The following FBN1 variants were observed in gnomAD, a reference collection of about 807,000 sequenced individuals.
The protein encoded by FBN1 is fibrillin 1.
In FBN1, 29 loss-of-function variants were observed where a neutral mutation model predicts 365.1. The observed-to-expected ratio is 0.08, with a 90% CI of 0.06 to 0.11. The LOEUF (loss-of-function observed/expected upper bound fraction) is 0.11. Ranked by LOEUF, FBN1 falls within the 10% of genes least tolerant of loss-of-function variation. FBN1 has a pLI of 1.00. For synonymous variants in FBN1, 1,210 were observed against 1,270.5 expected, an observed-to-expected ratio of 0.95 and a Z score of 1.01; for missense variants, 2,476 against 3,703.2, an observed-to-expected ratio of 0.67 and a Z score of 8.60.
At chr15:48,620,016 C>T (rs1263086771) in intron 2 of FBN1, among the ~76,000 whole-genome samples, 1 of 152,232 alleles carries the variant, frequency 6.6e-6, no homozygotes, top group African/African-American at 2.4e-5. Context: ...CGCTGAAGGG[C>T]TCATGAGAGG....
chr15:48,629,456 AC>A (rs1234370126), intron 2 of FBN1, among the ~76,000 whole-genome samples: 3 of 152,258 alleles, frequency 2.0e-5, no homozygotes, highest in African/African-American at 7.2e-5. Context: ...CTGCAAAAAA[AC>A]AAATAAAATT....
Position 48,410,878 on chromosome 15 carries a change from T to C in FBN1, c.*112A>G. ...AAAGAATAGTGCTTATTTATACAAA[T>C]TTACTTGGTGAAAGATTGTACCTAT... is the stretch of plus-strand genomic sequence containing the variant. On this transcript the variant is annotated 3_prime_UTR_variant, in exon 66 of 66. Transcript: ENST00000316623. The C allele has an allele frequency of 9.1e-7, 1 of 1,097,228 alleles. No individual in the cohort carries two copies. Among genetic ancestry groups the C allele is most frequent in the South Asian group, 1.5e-5 (1 of 67,702 alleles). The allele number at this position is 1,097,228 out of a possible 1,614,324, so 68.0% of individuals were successfully genotyped here.
chr15:48,536,501 C>T (rs1043196161), intron 7 of FBN1, among the ~76,000 whole-genome samples: 2 of 152,200 alleles, frequency 1.3e-5, no homozygotes, highest in African/African-American at 4.8e-5. Flanking sequence ...TCAAAACTCA[C>T]TGGGATTTTC....
At chr15:48,633,918 G>T (rs1890041821) in intron 2 of FBN1, among the ~76,000 whole-genome samples, 1 of 152,240 alleles carries the variant, frequency 6.6e-6, no homozygotes, top group East Asian at 1.9e-4. Flanking sequence ...TAAGCACCTT[G>T]AGCACTTGTT....
chr15:48,462,310 G>C (rs1192913273), intron 42 of FBN1, among the ~76,000 whole-genome samples: 1 of 151,682 alleles, frequency 6.6e-6, no homozygotes, highest in African/African-American at 2.4e-5. Flanking sequence ...TATAAGAACA[G>C]TACACTAATG....
At chr15:48,623,995 A>ACACACACG (rs1555406256) in intron 2 of FBN1, among the ~76,000 whole-genome samples, 1 of 150,252 alleles carries the variant, frequency 6.7e-6, no homozygotes, top group Non-Finnish European at 1.5e-5. Context: ...ACACACACAC[A>ACACACACG]CGCACAGCCT....
At position 48,645,279 on chromosome 15, in the gene FBN1, G is replaced by A. The variant is rs1566945066; in HGVS notation, c.-182+296C>T. 4.6e-5 allele frequency among the ~76,000 whole-genome samples: 7 copies of A among 152,072 alleles called. No individual in the cohort carries two copies. In the South Asian group the frequency reaches 1.4e-3, roughly 31 times the overall value. On this transcript the variant is annotated intron_variant, in intron 1 of 65. Coordinates refer to ENST00000316623, the MANE Select transcript of FBN1 (RefSeq NM_000138.5). Reference sequence around the variant, plus strand: ...ATTGCGCGCGATGCGCGCTCTGAACGCCCCACTCCTCAGCCTGCCCTCTCC... The same window carrying A: ...ATTGCGCGCGATGCGCGCTCTGAACACCCCACTCCTCAGCCTGCCCTCTCC...
chr15:48,446,491 T>C (rs879304432), intron 47 of FBN1, among the ~76,000 whole-genome samples: 1 of 152,176 alleles, frequency 6.6e-6, no homozygotes, highest in Non-Finnish European at 1.5e-5. Flanking sequence ...AGGCATCTGC[T>C]GGGGGTCTCA....
Position 48,486,793 on chromosome 15 carries a change from T to C in FBN1, c.3589+282A>G, listed in dbSNP as rs1389403819. Among the ~76,000 whole-genome samples, 6 of 152,228 alleles carry C rather than the reference T, an allele frequency of 3.9e-5. No individual in the cohort carries two copies. The East Asian group carries it at 1.2e-3, about 29-fold the overall frequency. ...GCTACTGTTCCCTATCCAAACGGCATGGGTCAAATTATGCTTATTAGAGCT... is the reference window on the plus strand; with the variant it reads ...GCTACTGTTCCCTATCCAAACGGCACGGGTCAAATTATGCTTATTAGAGCT... On this transcript the variant is annotated intron_variant, in intron 29 of 65. Coordinates refer to ENST00000316623, the MANE Select transcript of FBN1 (RefSeq NM_000138.5).
intron 24 of FBN1, among the ~76,000 whole-genome samples, chr15:48,491,640 C>T (rs1474555657): frequency 6.7e-6 from 1 of 150,316 alleles, no homozygotes; most frequent in African/African-American, 2.4e-5. Context: ...CGTGAGCCAT[C>T]GCACCCGGCC....
intron 17 of FBN1, among the ~76,000 whole-genome samples, chr15:48,502,323 GGT>G (rs2043667844): frequency 1.3e-5 from 2 of 152,324 alleles, no homozygotes; most frequent in South Asian, 4.1e-4. Flanking sequence ...TGGGATTACA[GGT>G]GTGAGGCACC....
intron 6 of FBN1, among the ~76,000 whole-genome samples, chr15:48,547,766 C>CACAA (rs1367315309): frequency 6.9e-6 from 1 of 144,416 alleles, no homozygotes; most frequent in Non-Finnish European, 1.5e-5. Context: ...CACACACACA[C>CACAA]ACACACACAG....
intron 43 of FBN1, among the ~76,000 whole-genome samples, chr15:48,459,306 G>T (rs888905432): frequency 6.6e-6 from 1 of 152,202 alleles, no homozygotes; most frequent in Non-Finnish European, 1.5e-5. Flanking sequence ...AGGGCCAGGT[G>T]TTCCATGCCA....
chr15:48,489,763 A>G (rs537229549), intron 25 of FBN1, 88 bp downstream of exon 25: 2 of 1,018,452 alleles, frequency 2.0e-6, no homozygotes, highest in African/African-American at 3.1e-5. Flanking sequence ...CCATGCTGGG[A>G]TGATCAAGTA....
At chr15:48,607,652 C>G (rs898011809) in intron 4 of FBN1, among the ~76,000 whole-genome samples, 6 of 152,042 alleles carry the variant, frequency 3.9e-5, no homozygotes, top group African/African-American at 1.4e-4. Flanking sequence ...TCTTGGACTT[C>G]CCAGCCTCTA....
chr15:48,451,714 T>C lies in FBN1; in HGVS notation c.5545+848A>G, dbSNP rs868118508. ...ATTCTTCCTGACTAATATACAATGATTTGCTTTGCTAAATATACAGTGATT... is the reference window on the plus strand; with the variant it reads ...ATTCTTCCTGACTAATATACAATGACTTGCTTTGCTAAATATACAGTGATT... On this transcript the variant is annotated intron_variant, in intron 45 of 65. Coordinates refer to ENST00000316623, the MANE Select transcript of FBN1 (RefSeq NM_000138.5). 3.3e-5 allele frequency among the ~76,000 whole-genome samples: 5 copies of C among 152,278 alleles called. No homozygotes were observed. In the Middle Eastern group the frequency reaches 0.014, roughly 414 times the overall value.
chr15:48,521,910 T>A (rs916094903), intron 9 of FBN1, among the ~76,000 whole-genome samples: 1 of 152,356 alleles, frequency 6.6e-6, no homozygotes, highest in Non-Finnish European at 1.5e-5. Flanking sequence ...TGTGGCGTGT[T>A]AGGAACTGGG....
At chr15:48,593,922 C>T (rs191755127) in intron 6 of FBN1, among the ~76,000 whole-genome samples, 3 of 152,270 alleles carry the variant, frequency 2.0e-5, no homozygotes, top group Admixed American at 2.0e-4. Context: ...CCAGTTAAAA[C>T]AGAATACAAC....
At chr15:48,635,489 A>G (rs141139706) in intron 2 of FBN1, among the ~76,000 whole-genome samples, 7 of 152,186 alleles carry the variant, frequency 4.6e-5, no homozygotes, top group African/African-American at 1.7e-4. Context: ...CAATTCTATT[A>G]GCAACTGCAA....
Sources: gnomAD v4.1 joint callset for allele counts (sites outside exome capture counted in the v4.1 genomes callset) on GRCh38, gnomAD v4.1.1 for gene constraint, MANE v1.5 for transcripts, NCBI Gene and HGNC (gene_info 2026-07-23, HGNC 2026-07-21) for gene names.